The following IREB2 variants were observed in gnomAD, a reference collection of about 807,000 sequenced individuals.
IREB2 encodes iron-responsive element-binding protein 2.
Under a neutral mutation model 118.8 loss-of-function variants are expected in IREB2, and 39 were observed. The ratio of observed to expected loss-of-function variants is 0.33; its 90% CI spans 0.25 to 0.43. The LOEUF is 0.43. IREB2 is among the 20% of genes least tolerant of loss of function. The probability of loss-of-function intolerance (pLI) is 1.00; values close to 1 mark genes in which losing one functional copy is unlikely to be tolerated. For missense variants in IREB2, 900 were observed against 1,147.3 expected, an observed-to-expected ratio of 0.78 and a Z score of 3.11; for synonymous variants, 372 against 392.2, an observed-to-expected ratio of 0.95 and a Z score of 0.61.
chr15:78,480,340 A>G (rs2051545039), intron 10 of IREB2: 1 of 152,208 alleles, frequency 6.6e-6, no homozygotes, highest in South Asian at 2.1e-4. Context: ...GAATAAGAAC[A>G]ATGGGAAAAC....
intron 11 of IREB2, among the ~76,000 whole-genome samples, chr15:78,484,465 A>G (rs1463482152): frequency 6.6e-6 from 1 of 152,128 alleles, no homozygotes; most frequent in Admixed American, 6.5e-5. Context: ...TACTATAAAC[A>G]GGGATGATTA....
chr15:78,468,133 C>G (rs1043102039), intron 5 of IREB2, among the ~76,000 whole-genome samples: 1 of 152,188 alleles, frequency 6.6e-6, no homozygotes, highest in Non-Finnish European at 1.5e-5. Context: ...GGATTATAAG[C>G]ATGAGCTACT....
At chr15:78,495,235 G>A (rs1488356061) in intron 20 of IREB2, among the ~76,000 whole-genome samples, 2 of 152,096 alleles carry the variant, frequency 1.3e-5, no homozygotes, top group Non-Finnish European at 2.9e-5. Context: ...ACTCTGAGGG[G>A]CTGTGGGAAT....
At position 78,490,435 on chromosome 15, in the gene IREB2, G is replaced by A. The variant is rs564994305; in HGVS notation, c.2090G>A (p.Arg697Gln). ...CTGTATTCACAGATGGGGAATAAAC[G>A]GTGGAATTCCTTAGAAGCACCGGAT... The part of the protein sequence containing the change: ...LKDKIEMGNK[R>Q]WNSLEAPDSV... The change falls in exon 17 of 22, where the codon CGG (arginine) becomes CAG (glutamine). Residue 697 changes from arginine to glutamine, a missense_variant. Physicochemically the swap from Arg to Gln is conservative, Grantham distance 43 (BLOSUM62 1). Coordinates refer to ENST00000258886, the MANE Select transcript of IREB2 (RefSeq NM_004136.4). 1.2e-5 allele frequency: 20 copies of A among 1,600,608 alleles called. No homozygotes were observed. Among genetic ancestry groups the A allele is most frequent in the South Asian group, 1.0e-4 (9 of 88,202 alleles).
Position 78,439,823 on chromosome 15 carries a change from A to G in IREB2, c.48A>G (p.Thr16=), listed in dbSNP as rs1177898494. The G allele has an allele frequency of 2.5e-6, 4 of 1,597,664 alleles. No homozygotes were observed. The highest frequency in any genetic ancestry group is 2.7e-5 in the African/African-American group (2 of 74,302). The change falls in exon 2 of 22, where the codon ACA becomes ACG. Residue 16 remains threonine (T), a synonymous_variant. Transcript: ENST00000258886. ...AGYAFEYLIE[T]LNDSSHKKFF... The stretch of plus-strand genomic sequence containing the variant: ...ACGCCTTTGAGTACCTTATTGAAAC[A>G]TTAAATGACAGTTCACATAAGAAGT...
chr15:78,491,194 A>G (rs1026121752), intron 18 of IREB2, among the ~76,000 whole-genome samples: 2 of 152,124 alleles, frequency 1.3e-5, no homozygotes, highest in Non-Finnish European at 2.9e-5. Flanking sequence ...GCTGGGAATG[A>G]TATGTACAAA....
chr15:78,483,757 T>C (rs113117970), intron 11 of IREB2, among the ~76,000 whole-genome samples: 36 of 152,026 alleles, frequency 2.4e-4, no homozygotes, highest in African/African-American at 8.5e-4. Context: ...ACAGCATAGA[T>C]AATTGAATAG....
At chr15:78,452,188 AGG>A (rs747743505) in intron 2 of IREB2, among the ~76,000 whole-genome samples, 9 of 152,156 alleles carry the variant, frequency 5.9e-5, no homozygotes, top group Non-Finnish European at 1.2e-4. Flanking sequence ...AGAGGCATTG[AGG>A]AAAATGCCTC....
chr15:78,463,205 A>AAG, intron 3 of IREB2, 118 bp downstream of exon 3: 2 of 811,564 alleles, frequency 2.5e-6, no homozygotes, highest in Non-Finnish European at 3.8e-6. Context: ...TTGGGAGGCC[A>AAG]AGGCAGGAAG....
intron 9 of IREB2, among the ~76,000 whole-genome samples, chr15:78,477,118 C>T (rs369475792): frequency 1.3e-5 from 2 of 152,078 alleles, no homozygotes; most frequent in African/African-American, 4.8e-5. Flanking sequence ...AGGGAATGAT[C>T]CCCCCAAGTG....
At chr15:78,473,626 A>G (rs997672376) in intron 8 of IREB2, 3 of 423,924 alleles carry the variant, frequency 7.1e-6, no homozygotes, top group East Asian at 9.2e-5. Flanking sequence ...AGCCTGTGAG[A>G]TGGATACTAT....
At chr15:78,488,484 T>C (rs2051696402) in intron 15 of IREB2, 148 bp downstream of exon 15, 1 of 984,080 alleles carries the variant, frequency 1.0e-6, no homozygotes, top group Non-Finnish European at 1.5e-6. Context: ...TCTGTGTTTA[T>C]GTGAAGAAAA....
chr15:78,494,851 G>T (rs2051813811), intron 20 of IREB2, among the ~76,000 whole-genome samples: 1 of 152,192 alleles, frequency 6.6e-6, no homozygotes, highest in East Asian at 1.9e-4. Context: ...GGGATTACAG[G>T]CTTGAGCCAT....
At chr15:78,486,570 A>G (rs1325018599) in intron 13 of IREB2, among the ~76,000 whole-genome samples, 2 of 152,030 alleles carry the variant, frequency 1.3e-5, no homozygotes, top group African/African-American at 2.4e-5. Context: ...GTGCCGCTGC[A>G]CTCCAGCCTG....
Position 78,498,114 on chromosome 15 carries a change from T to C in IREB2, c.2863T>C (p.Leu955=), listed in dbSNP as rs770217231. Residue 955 remains leucine, a synonymous_variant, in exon 22 of 22, where the codon TTA becomes CTA. Coordinates refer to ENST00000258886, the MANE Select transcript of IREB2 (RefSeq NM_004136.4). ...EITLYKHGGL[L]NFVARKFS ...AACATTATACAAACATGGAGGATTATTAAACTTTGTGGCACGAAAATTCTC... is the reference window on the plus strand; with the variant it reads ...AACATTATACAAACATGGAGGATTACTAAACTTTGTGGCACGAAAATTCTC... 27 of 1,610,862 alleles carry C rather than the reference T, an allele frequency of 1.7e-5. No homozygotes were observed. The South Asian group carries it at 2.7e-4, about 16-fold the overall frequency.
intron 2 of IREB2, among the ~76,000 whole-genome samples, chr15:78,448,441 G>A (rs2050967721): frequency 1.3e-5 from 2 of 152,184 alleles, no homozygotes; most frequent in East Asian, 1.9e-4. Context: ...CATCACGCCG[G>A]GCCCAATGGC....
chr15:78,463,978 T>C (rs2097035054), intron 3 of IREB2, among the ~76,000 whole-genome samples: 1 of 152,240 alleles, frequency 6.6e-6, no homozygotes, highest in Non-Finnish European at 1.5e-5. Context: ...ATTTTTCTCT[T>C]TCTTTAATAC....
At chr15:78,438,394 A>G in intron 1 of IREB2, 38 bp downstream of exon 1, 1 of 1,588,398 alleles carries the variant, frequency 6.3e-7, no homozygotes, top group Non-Finnish European at 8.6e-7. Context: ...TGGCAGTTGG[A>G]AACGCGCGCT....
Position 78,471,758 on chromosome 15 carries a change from T to C in IREB2, c.717T>C (p.Phe239=). 6.2e-7 allele frequency: 1 copy of C among 1,601,292 alleles called. No individual in the cohort carries two copies. The highest frequency in any genetic ancestry group is 8.5e-7 in the Non-Finnish European group (1 of 1,174,390). The change falls in exon 7 of 22, where the codon TTT becomes TTC. Residue 239 remains phenylalanine (F), a synonymous_variant. Transcript: ENST00000258886. ...AAATATAGTGGAGTTCAAGAGTTTTTAAGAATGTGGCAGTGATCCCTCCTG... is the reference window on the plus strand; with the variant it reads ...AAATATAGTGGAGTTCAAGAGTTTTCAAGAATGTGGCAGTGATCCCTCCTG... The part of the protein sequence containing the change: ...LQFFKWSSRV[F]KNVAVIPPGT...
Sources: allele counts gnomAD v4.1 joint callset (sites outside exome capture counted in the v4.1 genomes callset), GRCh38; gene constraint gnomAD v4.1.1; transcripts MANE v1.5; gene names NCBI Gene and HGNC (gene_info 2026-07-23, HGNC 2026-07-21).